Variants in SDK1 observed in about 807,000 individuals in gnomAD.
The protein encoded by SDK1 is protein sidekick-1.
A neutral mutation model predicts 245.5 loss-of-function variants in SDK1; 157 were observed. That is an observed-to-expected ratio of 0.64 (90% CI 0.56 to 0.73). The LOEUF (loss-of-function observed/expected upper bound fraction) is 0.73, where lower values mean the gene tolerates loss of function less well. Among genes scored for constraint, SDK1 ranks in the 30% least tolerant of loss-of-function variants. The probability of loss-of-function intolerance (pLI) is 0.00; values close to 1 mark genes in which losing one functional copy is unlikely to be tolerated. For missense variants in SDK1, 3,583 were observed against 3,002.3 expected, an observed-to-expected ratio of 1.19 and a Z score of -4.52; for synonymous variants, 1,647 against 1,278.5, an observed-to-expected ratio of 1.29 and a Z score of -6.15.
chr7:3,940,069 C>T (rs1780301016), intron 5 of SDK1, among the ~76,000 whole-genome samples: 1 of 152,082 alleles, frequency 6.6e-6, no homozygotes, highest in Non-Finnish European at 1.5e-5. Context: ...TGGCCGGAGC[C>T]ACCCTGGCTG....
chr7:3,765,711 A>G (rs1780234088), intron 4 of SDK1, among the ~76,000 whole-genome samples: 1 of 152,188 alleles, frequency 6.6e-6, no homozygotes, highest in African/African-American at 2.4e-5. Flanking sequence ...TTGAAATGCA[A>G]AGTCATTATG....
rs114605717 is a variant in SDK1, at chr7:3,996,332, T to C, written c.2131+9010T>C. ...TTTAATAACTGATAAAACAACTCTC[T>C]TCAACTTTTCAGAATTTTGTTATTA... On this transcript the variant is annotated intron_variant, in intron 14 of 44. Coordinates refer to ENST00000404826, the MANE Select transcript of SDK1 (RefSeq NM_152744.4). 2.3e-3 allele frequency among the ~76,000 whole-genome samples: 346 copies of C among 152,324 alleles called. 2 individuals are homozygous for C. The highest frequency in any genetic ancestry group is 7.9e-3 in the African/African-American group (329 of 41,584).
intron 4 of SDK1, among the ~76,000 whole-genome samples, chr7:3,656,037 GC>G (rs1783171473): frequency 6.6e-6 from 1 of 152,194 alleles, no homozygotes; most frequent in Admixed American, 6.5e-5. Flanking sequence ...CCCCACCTCT[GC>G]TCACGGTGTT....
intron 4 of SDK1, among the ~76,000 whole-genome samples, chr7:3,755,611 A>G (rs768369013): frequency 3.3e-5 from 5 of 152,188 alleles, no homozygotes; most frequent in Non-Finnish European, 5.9e-5. Context: ...CTCCACAGCC[A>G]AAATACAGAA....
intron 19 of SDK1, among the ~76,000 whole-genome samples, chr7:4,059,929 G>C (rs937938701): frequency 5.3e-5 from 8 of 151,180 alleles, no homozygotes; most frequent in African/African-American, 1.9e-4. Flanking sequence ...GCCCAGGCTG[G>C]AGTGCAGTGG....
intron 29 of SDK1, among the ~76,000 whole-genome samples, chr7:4,148,024 C>T (rs950063287): frequency 2.7e-5 from 4 of 148,516 alleles, no homozygotes; most frequent in African/African-American, 7.4e-5. Context: ...CCAGAGATTT[C>T]GGAGATTTTC....
At chr7:3,595,827 T>C (rs1781037815) in intron 1 of SDK1, among the ~76,000 whole-genome samples, 1 of 24,028 alleles carries the variant, frequency 4.2e-5, no homozygotes, top group African/African-American at 2.1e-4. Context: ...AGACTTCATC[T>C]CAAAAAAAAA....
chr7:4,044,485 G>T (rs1788870519), intron 17 of SDK1, among the ~76,000 whole-genome samples: 2 of 152,136 alleles, frequency 1.3e-5, no homozygotes, highest in South Asian at 4.1e-4. Context: ...GCCTTACTCT[G>T]TTGCTTGGAG....
At chr7:3,904,335 A>G (rs1781892054) in intron 5 of SDK1, among the ~76,000 whole-genome samples, 2 of 152,138 alleles carry the variant, frequency 1.3e-5, no homozygotes, top group South Asian at 4.1e-4. Context: ...TTCCTTTTGG[A>G]GTGGAAAAAA....
chr7:3,565,930 T>A (rs775129030), intron 1 of SDK1, among the ~76,000 whole-genome samples: 1 of 152,302 alleles, frequency 6.6e-6, no homozygotes, highest in Non-Finnish European at 1.5e-5. Flanking sequence ...ACTGTACATA[T>A]GATCAAACTA....
intron 22 of SDK1, among the ~76,000 whole-genome samples, chr7:4,083,333 T>C (rs117717720): frequency 2.0e-3 from 301 of 152,092 alleles, no homozygotes; most frequent in Middle Eastern, 0.014. Context: ...TCTGTTAATC[T>C]AGTGGAATCC....
chr7:3,682,102 C>A (rs964128819), intron 4 of SDK1, among the ~76,000 whole-genome samples: 1 of 152,204 alleles, frequency 6.6e-6, no homozygotes, highest in Non-Finnish European at 1.5e-5. Flanking sequence ...TGTCAGACGA[C>A]CAGTGAAGAT....
intron 4 of SDK1, among the ~76,000 whole-genome samples, chr7:3,744,229 T>G (rs1390229508): frequency 6.6e-6 from 1 of 152,068 alleles, no homozygotes; most frequent in African/African-American, 2.4e-5. Flanking sequence ...TCATCCAAAA[T>G]AGCCCCCCTC....
intron 1 of SDK1, among the ~76,000 whole-genome samples, chr7:3,366,247 T>A (rs1781087915): frequency 6.6e-6 from 1 of 152,168 alleles, no homozygotes; most frequent in African/African-American, 2.4e-5. Flanking sequence ...AGTATCACCC[T>A]ATAGGTAACC....
chr7:4,207,274 GCCTGGC>G (rs1562433071), intron 36 of SDK1, among the ~76,000 whole-genome samples: 1 of 152,216 alleles, frequency 6.6e-6, no homozygotes, highest in Non-Finnish European at 1.5e-5. Context: ...CGCTCTAACA[GCCTGGC>G]CCTGGTTTAG....
chr7:3,955,788 C>T (rs962380199), intron 7 of SDK1, among the ~76,000 whole-genome samples: 4 of 152,186 alleles, frequency 2.6e-5, no homozygotes, highest in East Asian at 1.9e-4. Context: ...TTCTCCACTG[C>T]GGTTGCCTCC....
At chr7:3,988,637 G>A (rs1213143693) in intron 14 of SDK1, among the ~76,000 whole-genome samples, 2 of 152,114 alleles carry the variant, frequency 1.3e-5, no homozygotes, top group African/African-American at 4.8e-5. Context: ...CTCCCTGAAT[G>A]GGCCAAATAT....
At chr7:3,824,899 C>T (rs192055157) in intron 5 of SDK1, among the ~76,000 whole-genome samples, 2 of 152,198 alleles carry the variant, frequency 1.3e-5, no homozygotes, top group South Asian at 2.1e-4. Context: ...TCCCCTCTTG[C>T]GTGGTTAAGA....
rs116627104 is a variant in SDK1 at position 3,663,055 on chromosome 7, C to G, written c.713+20950C>G. On this transcript the variant is annotated intron_variant, in intron 4 of 44. Transcript: ENST00000404826. ...GTGTATGTATCAATCAGATAGTACA[C>G]ATATTTGATCTCATTTTGGACTTTG... Among the ~76,000 whole-genome samples the G allele has an allele frequency of 1.2e-3, 186 of 152,300 alleles. 1 individual carries two copies. The highest frequency in any genetic ancestry group is 4.4e-3 in the African/African-American group (181 of 41,564).
Sources: gnomAD v4.1 joint callset for allele counts (sites outside exome capture counted in the v4.1 genomes callset) on GRCh38, gnomAD v4.1.1 for gene constraint, MANE v1.5 for transcripts, NCBI Gene and HGNC (gene_info 2026-07-23, HGNC 2026-07-21) for gene names.